ADAMTSL1: variants seen among roughly 807,000 people sequenced by gnomAD.
ADAMTSL1 encodes ADAMTS-like protein 1.
Under a neutral mutation model 201.8 loss-of-function variants are expected in ADAMTSL1, and 126 were observed. The observed-to-expected ratio is 0.62, with a 90% CI of 0.54 to 0.72. ADAMTSL1 has a LOEUF of 0.72. ADAMTSL1 is among the 30% of genes least tolerant of loss of function. The probability of loss-of-function intolerance (pLI) is 0.00; values close to 1 mark genes in which losing one functional copy is unlikely to be tolerated. For synonymous variants in ADAMTSL1, 1,121 were observed against 903.4 expected (o/e 1.24, Z -4.32); for missense variants, 2,679 against 2,277.8 (o/e 1.18, Z -3.59).
intron 7 of ADAMTSL1, among the ~76,000 whole-genome samples, chr9:18,646,714 C>A (rs1827835209): frequency 6.6e-6 from 1 of 151,942 alleles, no homozygotes; most frequent in African/African-American, 2.4e-5. Context: ...ATATATTGAA[C>A]CAGCCTTGCA....
At chr9:18,605,205 C>T (rs1824933227) in intron 4 of ADAMTSL1, among the ~76,000 whole-genome samples, 1 of 152,170 alleles carries the variant, frequency 6.6e-6, no homozygotes, top group Non-Finnish European at 1.5e-5. Flanking sequence ...AACTGTGCCT[C>T]TTTGCATACC....
chr9:18,263,564 G>T (rs16936485), intron 2 of ADAMTSL1, among the ~76,000 whole-genome samples: 8 of 152,098 alleles, frequency 5.3e-5, no homozygotes, highest in Admixed American at 5.2e-4. Context: ...CAGCCTGACC[G>T]CAAATTCCGA....
At chr9:18,179,344 C>T (rs368274597) in intron 2 of ADAMTSL1, among the ~76,000 whole-genome samples, 22 of 152,144 alleles carry the variant, frequency 1.4e-4, no homozygotes, top group South Asian at 1.0e-3. Flanking sequence ...TAAAAAGAAA[C>T]GAGCGAAGCC....
At chr9:18,447,944 C>T (rs1820259037) in intron 2 of ADAMTSL1, among the ~76,000 whole-genome samples, 1 of 152,314 alleles carries the variant, frequency 6.6e-6, no homozygotes, top group African/African-American at 2.4e-5. Flanking sequence ...TTATGGGTTT[C>T]AGTCCAAAGC....
intron 2 of ADAMTSL1, among the ~76,000 whole-genome samples, chr9:18,421,340 T>C (rs1818938074): frequency 6.6e-6 from 1 of 152,132 alleles, no homozygotes; most frequent in Admixed American, 6.5e-5. Context: ...CACACTTCAT[T>C]CATACTGCAA....
chr9:18,869,456 G>A (rs1249341057), intron 23 of ADAMTSL1, among the ~76,000 whole-genome samples: 1 of 152,182 alleles, frequency 6.6e-6, no homozygotes, highest in Non-Finnish European at 1.5e-5. Flanking sequence ...TCTAATACCT[G>A]AAAACAGTTG....
At chr9:18,645,259 T>G (rs1335423796) in intron 7 of ADAMTSL1, among the ~76,000 whole-genome samples, 1 of 152,230 alleles carries the variant, frequency 6.6e-6, no homozygotes, top group Non-Finnish European at 1.5e-5. Context: ...TGTAAATTTG[T>G]TTGAGTTCAT....
At chr9:18,538,008 G>C (rs1015171085) in intron 3 of ADAMTSL1, among the ~76,000 whole-genome samples, 2 of 151,890 alleles carry the variant, frequency 1.3e-5, no homozygotes, top group Non-Finnish European at 2.9e-5. Flanking sequence ...GAAGAAGGAG[G>C]AGGAGGAGGA....
chr9:17,974,715 A>G (rs959028421), intron 1 of ADAMTSL1, among the ~76,000 whole-genome samples: 2 of 152,044 alleles, frequency 1.3e-5, no homozygotes, highest in Non-Finnish European at 2.9e-5. Flanking sequence ...GTTAAGGCCG[A>G]GTAATGTTTC....
intron 1 of ADAMTSL1, among the ~76,000 whole-genome samples, chr9:18,162,866 C>T (rs1023815053): frequency 1.3e-5 from 2 of 151,822 alleles, no homozygotes; most frequent in African/African-American, 4.8e-5. Flanking sequence ...TTACTTGTTC[C>T]TTGAGCAGAA....
At chr9:18,412,981 C>A (rs7859166) in intron 2 of ADAMTSL1, among the ~76,000 whole-genome samples, 100,857 of 151,900 alleles carry the variant, frequency 0.66, 33,759 homozygotes, top group East Asian at 0.87. Flanking sequence ...TGTGTGTTTT[C>A]TATACACATT....
chr9:18,086,641 T>C (rs1235596667), intron 1 of ADAMTSL1, among the ~76,000 whole-genome samples: 1 of 152,200 alleles, frequency 6.6e-6, no homozygotes, highest in Non-Finnish European at 1.5e-5. Context: ...ACATATTAAA[T>C]ACTATCTTCA....
At chr9:18,085,232 G>A (rs776854996) in intron 1 of ADAMTSL1, among the ~76,000 whole-genome samples, 8 of 152,138 alleles carry the variant, frequency 5.3e-5, no homozygotes, top group Middle Eastern at 3.4e-3. Context: ...AGCAATAGAG[G>A]AACTAATGCC....
intron 23 of ADAMTSL1, among the ~76,000 whole-genome samples, chr9:18,841,155 A>G (rs1332547651): frequency 1.3e-5 from 2 of 151,538 alleles, no homozygotes; most frequent in Non-Finnish European, 2.9e-5. Context: ...CCCATTCAGT[A>G]TGATATTGGC....
At chr9:18,648,747 C>G (rs1441151205) in intron 7 of ADAMTSL1, among the ~76,000 whole-genome samples, 9 of 151,440 alleles carry the variant, frequency 5.9e-5, no homozygotes, top group South Asian at 4.2e-4. Context: ...GAGTTTCTGC[C>G]GAGAGATCCG....
intron 3 of ADAMTSL1, among the ~76,000 whole-genome samples, chr9:18,539,456 A>C (rs1420966552): frequency 2.0e-5 from 3 of 152,250 alleles, no homozygotes; most frequent in Non-Finnish European, 4.4e-5. Flanking sequence ...AGTGTCTGAC[A>C]CCATGCCTCT....
At chr9:18,399,303 A>ATATACATATATATATATATATG (rs1817879291) in intron 2 of ADAMTSL1, among the ~76,000 whole-genome samples, 1 of 108,288 alleles carries the variant, frequency 9.2e-6, no homozygotes, top group Non-Finnish European at 1.9e-5. Flanking sequence ...ATATATATAT[A>ATATACATATATATATATATATG]TATATATATA....
chr9:18,559,776 A>T lies in ADAMTSL1; in HGVS notation c.238-14254A>T, dbSNP rs113713695. Among the ~76,000 whole-genome samples the T allele has an allele frequency of 3.9e-3, 587 of 152,282 alleles. 5 individuals are homozygous for T. Among genetic ancestry groups the T allele is most frequent in the African/African-American group, 0.013 (540 of 41,550 alleles). On this transcript the variant is annotated intron_variant, in intron 3 of 28. Coordinates refer to ENST00000380548, the MANE Select transcript of ADAMTSL1 (RefSeq NM_001040272.6). Reference sequence around the variant, plus strand: ...TTTTATTCTCTTTGTAGCAATTGTGAATGAGTGCTAACTCATGATTTGGCT... The same window carrying T: ...TTTTATTCTCTTTGTAGCAATTGTGTATGAGTGCTAACTCATGATTTGGCT...
At chr9:18,368,121 T>A (rs995243422) in intron 2 of ADAMTSL1, among the ~76,000 whole-genome samples, 1 of 152,080 alleles carries the variant, frequency 6.6e-6, no homozygotes, top group African/African-American at 2.4e-5. Flanking sequence ...TTCGCCGTTT[T>A]CGCCAGGATG....
Sources: allele counts gnomAD v4.1 joint callset (sites outside exome capture counted in the v4.1 genomes callset), GRCh38; gene constraint gnomAD v4.1.1; transcripts MANE v1.5; gene names NCBI Gene and HGNC (gene_info 2026-07-23, HGNC 2026-07-21).